Variants in NHSL1 observed in about 807,000 individuals in gnomAD.
NHSL1 encodes NHS like 1.
NHSL1 carries 48 observed loss-of-function variants against 95.0 expected under a neutral mutation model. That is an observed-to-expected ratio of 0.51 (90% CI 0.40 to 0.64). NHSL1 has a LOEUF of 0.64. Ranked by LOEUF, NHSL1 falls within the 30% of genes least tolerant of loss-of-function variation. NHSL1 has a pLI of 0.00. For missense variants in NHSL1, 1,971 were observed against 2,077.7 expected (o/e 0.95, Z 1.00); for synonymous variants, 783 against 833.9 (o/e 0.94, Z 1.05).
At chr6:138,557,648 G>A (rs879671532) in intron 1 of NHSL1, among the ~76,000 whole-genome samples, 1 of 152,224 alleles carries the variant, frequency 6.6e-6, no homozygotes, top group Middle Eastern at 3.2e-3. Flanking sequence ...TGACACCAGG[G>A]CATTAAAACG....
rs192322121 is a variant in NHSL1 at position 138,652,240 on chromosome 6, G to A, written c.96+40236C>T. Reference sequence around the variant, plus strand: ...GCAGATCACCTGAGGTCAGGAGTTCGAGACCAGCCTGACCAACATGGAGAA... The same window carrying A: ...GCAGATCACCTGAGGTCAGGAGTTCAAGACCAGCCTGACCAACATGGAGAA... On this transcript the variant is annotated intron_variant, in intron 1 of 3. Transcript: ENST00000491526. Among the ~76,000 whole-genome samples the A allele has an allele frequency of 1.8e-3, 276 of 151,946 alleles. 3 individuals carry two copies. The highest frequency in any genetic ancestry group is 0.015 in the East Asian group (77 of 5,156).
intron 3 of NHSL1, among the ~76,000 whole-genome samples, chr6:138,448,567 G>A (rs1315848854): frequency 6.6e-6 from 1 of 152,074 alleles, no homozygotes; most frequent in Non-Finnish European, 1.5e-5. Context: ...TAATACCACA[G>A]CTTTGTTTTG....
intron 1 of NHSL1, among the ~76,000 whole-genome samples, chr6:138,689,588 G>A (rs1562414082): frequency 6.6e-6 from 1 of 152,098 alleles, no homozygotes; most frequent in Non-Finnish European, 1.5e-5. Context: ...CCTTTCTTAT[G>A]GTAGAAAGCT....
At chr6:138,679,627 A>G (rs1785487436) in intron 1 of NHSL1, among the ~76,000 whole-genome samples, 1 of 152,228 alleles carries the variant, frequency 6.6e-6, no homozygotes, top group Non-Finnish European at 1.5e-5. Flanking sequence ...AGGCCCTAGG[A>G]AGCCCAGAAG....
At chr6:138,560,181 G>T (rs1783358800) in intron 1 of NHSL1, among the ~76,000 whole-genome samples, 1 of 152,188 alleles carries the variant, frequency 6.6e-6, no homozygotes, top group Non-Finnish European at 1.5e-5. Flanking sequence ...TAACCTTCGA[G>T]ATTTCTAAAG....
upstream of NHSL1, among the ~76,000 whole-genome samples, chr6:138,503,658 C>T (rs1780806085): frequency 6.6e-6 from 1 of 152,126 alleles, no homozygotes; most frequent in South Asian, 2.1e-4. Context: ...ACTACCTGGA[C>T]CTTTAAGAGA....
At chr6:138,527,616 T>C (rs1200168409) in intron 1 of NHSL1, among the ~76,000 whole-genome samples, 4 of 152,164 alleles carry the variant, frequency 2.6e-5, no homozygotes, top group African/African-American at 9.7e-5. Context: ...GGGTACATAC[T>C]ACGCCCCTTA....
chr6:138,448,773 CCAGGCACGATGGCTCA>C (rs1160029438), intron 3 of NHSL1, among the ~76,000 whole-genome samples: 1 of 152,190 alleles, frequency 6.6e-6, no homozygotes, highest in African/African-American at 2.4e-5. Context: ...AAATTTTAGG[CCAGGCACGATGGCTCA>C]CGCCTGTAAT....
At chr6:138,540,575 T>C (rs1054173520) in intron 1 of NHSL1, among the ~76,000 whole-genome samples, 1 of 152,136 alleles carries the variant, frequency 6.6e-6, no homozygotes, top group Non-Finnish European at 1.5e-5. Flanking sequence ...ATACACAACA[T>C]ACAAAAGACA....
chr6:138,442,094 C>G lies in NHSL1; in HGVS notation c.553G>C (p.Ala185Pro). 12 of 1,549,980 alleles carry G rather than the reference C, an allele frequency of 7.7e-6. No individual in the cohort carries two copies. Among genetic ancestry groups the G allele is most frequent in the Non-Finnish European group, 1.0e-5 (12 of 1,146,364 alleles). ...NITGENFDRQ[A>P]SLRRSLIYTD... is the part of the protein sequence containing the mutation. ...TAAATTAGAGACCGCCGAAGGCTGG[C>G]CTGGCGATCGAAATTCTCCCCTAAT... The change falls in exon 5 of 8, where the codon GCC becomes CCC. Residue 185 changes from alanine (A) to proline (P), a missense_variant. By Grantham distance (27) the Ala-to-Pro change is conservative. This residue lies in a region of NHSL1 where 1,602 missense variants were observed against 1,654.5 expected (regional missense o/e 0.97). Transcript: ENST00000343505.
In NHSL1 at chr6:138,431,002, A is replaced by C. The variant is rs1409298220; in HGVS notation, c.3343T>G (p.Phe1115Val). The C allele has an allele frequency of 6.4e-6, 10 of 1,552,274 alleles. No individual in the cohort carries two copies. The highest frequency in any genetic ancestry group is 8.7e-6 in the Non-Finnish European group (10 of 1,147,120). ...APQYHLKPSA[F>V]LKSRNSTNEM... ...TTTGTGCTATTTCGGGATTTCAGGA[A>C]AGCAGATGGCTTTAAGTGGTACTGT... Residue 1115 changes from phenylalanine to valine, a missense_variant, in exon 6 of 8, where the codon TTC becomes GTC. This residue lies in a region of NHSL1 where 1,602 missense variants were observed against 1,654.5 expected (regional missense o/e 0.97). Transcript: ENST00000343505. The surrounding 1 kb of genome is among the most constrained non-coding windows in gnomAD (Gnocchi z 4.0).
exon 1 of NHSL1, chr6:138,571,812 G>T: frequency 6.4e-7 from 1 of 1,552,162 alleles, no homozygotes; most frequent in Non-Finnish European, 8.7e-7. Flanking sequence ...CTCTTTGTCT[G>T]CCTGGACAAG....
rs181849064 is a variant in NHSL1, at chr6:138,491,063, A to C, written c.211+5156T>G. On this transcript the variant is annotated intron_variant, in intron 2 of 7. Coordinates refer to ENST00000343505, the MANE Select transcript of NHSL1 (RefSeq NM_001144060.2). ...TATCCTTTCAGGTATAATAAATATA[A>C]CCCTCTGACTTTGAATGACATAGGC... 3.6e-3 allele frequency among the ~76,000 whole-genome samples: 546 copies of C among 152,200 alleles called. 2 individuals are homozygous for C. Among genetic ancestry groups the C allele is most frequent in the African/African-American group, 0.013 (530 of 41,526 alleles).
intron 1 of NHSL1, among the ~76,000 whole-genome samples, chr6:138,598,904 T>C (rs1784336464): frequency 1.3e-5 from 2 of 152,168 alleles, no homozygotes; most frequent in Admixed American, 6.5e-5. Flanking sequence ...TTACATGTAT[T>C]TCTCTTTAAT....
chr6:138,541,260 C>T (rs1404845601), intron 1 of NHSL1, among the ~76,000 whole-genome samples: 1 of 151,930 alleles, frequency 6.6e-6, no homozygotes, highest in Admixed American at 6.6e-5. Flanking sequence ...CCAGCTACTC[C>T]GGAGGCTCAG....
rs139334680 is a variant in NHSL1, at chr6:138,560,330, G to A, written c.202+11380C>T. ...GTCGAAAGACAGAAACCCCAACCTC[G>A]CCAGCTTCATAAAGCATCAATAGCA... On this transcript the variant is annotated intron_variant, in intron 1 of 6. Coordinates refer to the NHSL1 transcript ENST00000427025. Among the ~76,000 whole-genome samples the A allele has an allele frequency of 1.6e-4, 24 of 152,214 alleles. No homozygotes were observed. In the East Asian group the frequency reaches 3.1e-3, roughly 20 times the overall value.
At chr6:138,486,153 C>A (rs1345983785) in intron 2 of NHSL1, among the ~76,000 whole-genome samples, 1 of 152,118 alleles carries the variant, frequency 6.6e-6, no homozygotes, top group Non-Finnish European at 1.5e-5. Context: ...GTAATCCTTT[C>A]CCCTCCTGCT....
intron 1 of NHSL1, among the ~76,000 whole-genome samples, chr6:138,667,923 C>T (rs1785315412): frequency 6.6e-6 from 1 of 152,222 alleles, no homozygotes; most frequent in South Asian, 2.1e-4. Flanking sequence ...CTACTTTCTT[C>T]ATAGCTCTGT....
chr6:138,635,374 A>T (rs866811128), intron 1 of NHSL1, among the ~76,000 whole-genome samples: 1 of 152,218 alleles, frequency 6.6e-6, no homozygotes. Flanking sequence ...CTGGTACTGC[A>T]GAAATTCAAA....
Sources: gnomAD v4.1 joint callset for allele counts (sites outside exome capture counted in the v4.1 genomes callset) on GRCh38, gnomAD v4.1.1 for gene constraint, gnomAD v4.1.1 regional missense constraint, Gnocchi (gnomAD v3.1) non-coding constraint, MANE v1.5 for transcripts, NCBI Gene and HGNC (gene_info 2026-07-23, HGNC 2026-07-21) for gene names.